Variants in SMIM36 observed in about 807,000 individuals in gnomAD.
The protein encoded by SMIM36 is small integral membrane protein 36.
chr17:55,501,822 T>G (rs1193948067), intron 1 of SMIM36, among the ~76,000 whole-genome samples: 1 of 150,304 alleles, frequency 6.7e-6, no homozygotes, highest in Non-Finnish European at 1.5e-5. Context: ...AGGTACCGGG[T>G]TCATCTCACT....
intron 4 of SMIM36, among the ~76,000 whole-genome samples, chr17:55,453,523 T>A (rs1368287789): frequency 1.3e-5 from 2 of 152,246 alleles, no homozygotes; most frequent in Non-Finnish European, 2.9e-5. Context: ...ATTTCCAGGT[T>A]GTTTTTAAAA....
At chr17:55,454,519 T>C (rs1908981829) in intron 4 of SMIM36, among the ~76,000 whole-genome samples, 2 of 152,274 alleles carry the variant, frequency 1.3e-5, no homozygotes, top group South Asian at 4.1e-4. Context: ...CAACAGAAAG[T>C]AAAAATTTTT....
intron 4 of SMIM36, among the ~76,000 whole-genome samples, chr17:55,454,646 T>A (rs1249777244): frequency 6.6e-6 from 1 of 152,226 alleles, no homozygotes; most frequent in Admixed American, 6.5e-5. Context: ...TACGTACTGC[T>A]GTGAAACTTG....
chr17:55,462,530 T>C (rs1016372645), intron 4 of SMIM36, among the ~76,000 whole-genome samples: 38 of 152,282 alleles, frequency 2.5e-4, no homozygotes, highest in African/African-American at 8.9e-4. Context: ...CATTTGAGCC[T>C]AGGAATTTGA....
chr17:55,474,637 A>C (rs1247805840), intron 3 of SMIM36, among the ~76,000 whole-genome samples: 1 of 151,876 alleles, frequency 6.6e-6, no homozygotes, highest in Admixed American at 6.6e-5. Flanking sequence ...TTTGCTTTTG[A>C]CCTGGCTTGG....
At chr17:55,525,452 T>G in the SMIM36 span, among the ~76,000 whole-genome samples, 1 of 152,204 alleles carries the variant, frequency 6.6e-6, no homozygotes, top group Non-Finnish European at 1.5e-5. Context: ...CTCTGAAAAT[T>G]TCATTGTATG....
At chr17:55,523,093 T>C in the SMIM36 span, among the ~76,000 whole-genome samples, 1 of 152,146 alleles carries the variant, frequency 6.6e-6, no homozygotes, top group African/African-American at 2.4e-5. Context: ...ATATATTGAA[T>C]CCCTAACCTC....
intron 4 of SMIM36, among the ~76,000 whole-genome samples, chr17:55,463,656 G>T (rs1909183972): frequency 6.6e-6 from 1 of 152,254 alleles, no homozygotes; most frequent in South Asian, 2.1e-4. Flanking sequence ...ACAGTTAAAG[G>T]GTAGACAAAT....
At chr17:55,528,060 C>T in the SMIM36 span, 1 of 152,206 alleles carries the variant, frequency 6.6e-6, no homozygotes, top group South Asian at 2.1e-4. Flanking sequence ...ACTTTTCAGC[C>T]TTCTCTCCTT....
exon 1 of SMIM36, chr17:55,511,278 C>T (rs779935009): frequency 1.3e-4 from 50 of 398,490 alleles, no homozygotes; most frequent in Non-Finnish European, 1.9e-4. Context: ...TGACGTAGCT[C>T]GCAACTAGGA....
intron 1 of SMIM36, among the ~76,000 whole-genome samples, chr17:55,508,751 C>T (rs553872253): frequency 4.0e-5 from 6 of 151,548 alleles, no homozygotes; most frequent in African/African-American, 9.7e-5. Context: ...GGTGAAACCC[C>T]GTGTCTACTA....
chr17:55,520,921 C>T, the SMIM36 span, among the ~76,000 whole-genome samples: 3 of 152,220 alleles, frequency 2.0e-5, no homozygotes, highest in Middle Eastern at 6.8e-3. Context: ...ACCTGAGGCC[C>T]GAGACCAACC....
the SMIM36 span, among the ~76,000 whole-genome samples, chr17:55,523,220 G>T: frequency 6.6e-6 from 1 of 152,072 alleles, no homozygotes; most frequent in Non-Finnish European, 1.5e-5. Context: ...CAGCAGGGAT[G>T]TGCATACTCA....
intron 1 of SMIM36, among the ~76,000 whole-genome samples, chr17:55,497,296 C>G (rs1363384234): frequency 6.6e-6 from 1 of 152,010 alleles, no homozygotes; most frequent in Admixed American, 6.6e-5. Context: ...CAGAGTCTCG[C>G]TCTTGTTGCC....
Position 55,501,376 on chromosome 17 carries a change from ATTATAG to A in SMIM36, c.*174+9497_*174+9502del, listed in dbSNP as rs1567871151. Among the ~76,000 whole-genome samples, 42 of 73,006 alleles carry A rather than the reference ATTATAG, an allele frequency of 5.8e-4. 4 individuals carry two copies. The highest frequency in any genetic ancestry group is 2.2e-3 in the African/African-American group (41 of 18,552). 47.9% of individuals were successfully genotyped at this position (73,006 alleles called of 152,430 possible). On this transcript the variant is annotated intron_variant, in intron 1 of 4. Transcript: ENST00000636752. ...TTTTATAATATATAATATATTATATATTATAGAATATAATATATTATATATTATTAT... is the reference window on the plus strand; with the variant it reads ...TTTTATAATATATAATATATTATATAAATATAATATATTATATATTATTAT...
At chr17:55,530,309 C>A in the SMIM36 span, among the ~76,000 whole-genome samples, 3 of 152,162 alleles carry the variant, frequency 2.0e-5, no homozygotes, top group Admixed American at 2.0e-4. Context: ...GTTGGTGCTG[C>A]TCTAGGAACT....
At chr17:55,508,676 A>C (rs1325124933) in intron 1 of SMIM36, among the ~76,000 whole-genome samples, 5 of 151,818 alleles carry the variant, frequency 3.3e-5, no homozygotes, top group African/African-American at 1.2e-4. Context: ...TAAACCCAGC[A>C]CTTTGGGAGG....
chr17:55,472,477 T>G (rs1048721375), intron 3 of SMIM36, among the ~76,000 whole-genome samples: 8 of 152,216 alleles, frequency 5.3e-5, no homozygotes, highest in Admixed American at 2.6e-4. Flanking sequence ...TATCAATGCC[T>G]TCCTAATAAG....
intron 4 of SMIM36, among the ~76,000 whole-genome samples, chr17:55,451,962 C>A (rs1322201339): frequency 6.6e-6 from 1 of 151,768 alleles, no homozygotes; most frequent in African/African-American, 2.4e-5. Flanking sequence ...AAAAATTAGA[C>A]AGGCAAGGTG....
Sources: allele counts gnomAD v4.1 joint callset (sites outside exome capture counted in the v4.1 genomes callset), GRCh38; gene constraint gnomAD v4.1.1; transcripts MANE v1.5; gene names NCBI Gene and HGNC (gene_info 2026-07-23, HGNC 2026-07-21).